The following RAB2B variants were observed in gnomAD, a reference collection of about 807,000 sequenced individuals.
The protein encoded by RAB2B is RAB2B, member RAS oncogene family.
In RAB2B, 20 loss-of-function variants were observed where a neutral mutation model predicts 29.8. The observed-to-expected ratio is 0.67, with a 90% CI of 0.47 to 0.97. The LOEUF (loss-of-function observed/expected upper bound fraction) is 0.97. Ranked by LOEUF, RAB2B falls within the 50% of genes least tolerant of loss-of-function variation. The pLI, the probability that RAB2B is intolerant of heterozygous loss-of-function variation, is 0.00. For synonymous variants in RAB2B, 93 were observed against 91.7 expected (o/e 1.01, Z -0.08); for missense variants, 218 against 272.0 (o/e 0.80, Z 1.40).
intron 3 of RAB2B, among the ~76,000 whole-genome samples, chr14:21,469,951 TTTTTTTC>T (rs1173437601): frequency 7.0e-6 from 1 of 143,110 alleles, no homozygotes; most frequent in Non-Finnish European, 1.5e-5. Context: ...ATTCCCTTTT[TTTTTTTC>T]TTTTTTTTTT....
At chr14:21,472,816 G>C (rs1176913867) in intron 3 of RAB2B, among the ~76,000 whole-genome samples, 3 of 148,162 alleles carry the variant, frequency 2.0e-5, no homozygotes, top group Non-Finnish European at 4.5e-5. Context: ...TCCCATATGA[G>C]TGCTTAAAAA....
At chr14:21,468,027 T>C (rs539701920) in intron 5 of RAB2B, among the ~76,000 whole-genome samples, 1 of 151,780 alleles carries the variant, frequency 6.6e-6, no homozygotes, top group African/African-American at 2.4e-5. Context: ...AGTAGAATGA[T>C]GGCTGTCAGG....
chr14:21,461,157 G>T lies in RAB2B; in HGVS notation c.*39C>A. 7.3e-7 allele frequency: 1 copy of T among 1,377,230 alleles called. No homozygotes were observed. Among genetic ancestry groups the T allele is most frequent in the Non-Finnish European group, 1.0e-6 (1 of 972,594 alleles). 85.3% of individuals were successfully genotyped at this position (1,377,230 alleles called of 1,614,324 possible). ...CTTTCATTAAGCCTATTGATCTGAAGCTATTCCAGGAAGGACAAAAAAAGT... is the reference window on the plus strand; with the variant it reads ...CTTTCATTAAGCCTATTGATCTGAATCTATTCCAGGAAGGACAAAAAAAGT... On this transcript the variant is annotated 3_prime_UTR_variant, in exon 8 of 8. Transcript: ENST00000397762.
At chr14:21,469,020 C>G (rs866139814) in intron 3 of RAB2B, among the ~76,000 whole-genome samples, 2 of 149,828 alleles carry the variant, frequency 1.3e-5, no homozygotes, top group Admixed American at 1.4e-4. Flanking sequence ...GTTTAGCATC[C>G]TAGATCCCAG....
At chr14:21,472,810 A>G (rs1434493146) in intron 3 of RAB2B, among the ~76,000 whole-genome samples, 1 of 151,256 alleles carries the variant, frequency 6.6e-6, no homozygotes, top group Non-Finnish European at 1.5e-5. Context: ...ACCATGTCCC[A>G]TATGAGTGCT....
rs144179207 is a variant in RAB2B at position 21,474,815 on chromosome 14, T to C, written c.186+52A>G. The C allele has an allele frequency of 1.5e-3, 2,167 of 1,470,772 alleles. 26 individuals carry two copies. In the African/African-American group the frequency reaches 0.026, roughly 17 times the overall value. The allele number at this position is 1,470,772 out of a possible 1,614,324, so 91.1% of individuals were successfully genotyped here. On this transcript the variant is annotated intron_variant, in intron 3 of 7. Coordinates refer to ENST00000397762, the MANE Select transcript of RAB2B (RefSeq NM_032846.4). ...TCGCCCCTTTCCTTTGCATCAGCTTTTCTTGTTATACTTGGATATTGGTCA... is the reference window on the plus strand; with the variant it reads ...TCGCCCCTTTCCTTTGCATCAGCTTCTCTTGTTATACTTGGATATTGGTCA...
At position 21,468,212 on chromosome 14, in the gene RAB2B, G is replaced by C. The variant is rs1890727787; in HGVS notation, c.362+145C>G. The stretch of plus-strand genomic sequence containing the variant: ...AAAAATAGTTAAAATGGTAAATTTT[G>C]TGTCATATATATTTTATCACAACAA... On this transcript the variant is annotated intron_variant, in intron 5 of 7. Transcript: ENST00000397762. 22 of 599,110 alleles carry C rather than the reference G, an allele frequency of 3.7e-5. No individual in the cohort carries two copies. In the East Asian group the frequency reaches 6.2e-4, roughly 17 times the overall value. The allele number at this position is 599,110 out of a possible 1,614,324, so 37.1% of individuals were successfully genotyped here.
At chr14:21,462,875 A>G (rs1890597307) in intron 6 of RAB2B, among the ~76,000 whole-genome samples, 1 of 151,808 alleles carries the variant, frequency 6.6e-6, no homozygotes, top group South Asian at 2.1e-4. Context: ...GAAAAAAAAC[A>G]TAGAAGGTCC....
At chr14:21,469,364 C>T (rs1890754612) in intron 3 of RAB2B, among the ~76,000 whole-genome samples, 1 of 152,182 alleles carries the variant, frequency 6.6e-6, no homozygotes, top group Non-Finnish European at 1.5e-5. Context: ...TGCAAGACTA[C>T]CTAGATGTCC....
intron 3 of RAB2B, among the ~76,000 whole-genome samples, chr14:21,473,814 C>T (rs1287378571): frequency 6.6e-6 from 1 of 151,880 alleles, no homozygotes; most frequent in Non-Finnish European, 1.5e-5. Context: ...AGATCGAGAC[C>T]ATGCTGGCTA....
At chr14:21,471,825 G>A (rs928458330) in intron 3 of RAB2B, among the ~76,000 whole-genome samples, 2 of 151,828 alleles carry the variant, frequency 1.3e-5, no homozygotes, top group East Asian at 1.9e-4. Context: ...ACAGGCGCCC[G>A]CCACCACACC....
intron 3 of RAB2B, among the ~76,000 whole-genome samples, chr14:21,472,725 T>C (rs1890848725): frequency 6.6e-6 from 1 of 152,062 alleles, no homozygotes; most frequent in African/African-American, 2.4e-5. Context: ...CTCTCAACTT[T>C]CCTTTTTTGT....
intron 5 of RAB2B, among the ~76,000 whole-genome samples, chr14:21,466,170 A>G (rs1479182870): frequency 1.3e-5 from 2 of 152,204 alleles, no homozygotes; most frequent in Admixed American, 1.3e-4. Flanking sequence ...GTCGTTTTCA[A>G]TACATTGACT....
At chr14:21,463,475 G>A (rs1890614769) in intron 6 of RAB2B, among the ~76,000 whole-genome samples, 181 bp downstream of exon 6, 1 of 152,088 alleles carries the variant, frequency 6.6e-6, no homozygotes, top group South Asian at 2.1e-4. Context: ...ACAAACTCCT[G>A]AGCTCACGCA....
At chr14:21,465,714 T>G (rs749006866) in intron 5 of RAB2B, among the ~76,000 whole-genome samples, 2 of 152,204 alleles carry the variant, frequency 1.3e-5, no homozygotes, top group African/African-American at 2.4e-5. Context: ...TCAATTTCCA[T>G]GTATTTAGAA....
intron 3 of RAB2B, among the ~76,000 whole-genome samples, chr14:21,470,968 T>C (rs190143958): frequency 1.5e-5 from 2 of 131,786 alleles, no homozygotes; most frequent in African/African-American, 6.1e-5. Flanking sequence ...ACCAACATGA[T>C]GAAACCCCAT....
rs1890577413 is a variant in RAB2B at position 21,462,359 on chromosome 14, G to C, written c.534C>G (p.Val178=). The C allele has an allele frequency of 6.2e-7, 1 of 1,613,106 alleles. No homozygotes were observed. The highest frequency in any genetic ancestry group is 1.1e-5 in the South Asian group (1 of 90,930). The part of the protein sequence containing the change: ...YRKIQQGLFD[V]HNEANGIKIG... ...TTCTACCCTTTCTTACCTCATTGTG[G>C]ACATCAAATAAACCCTGCTGGATCT... The change falls in exon 7 of 8, where the codon GTC becomes GTG. Residue 178 remains valine (V), a synonymous_variant. Coordinates refer to ENST00000397762, the MANE Select transcript of RAB2B (RefSeq NM_032846.4).
chr14:21,476,685 C>T (rs753020983), intron 1 of RAB2B, 86 bp from the exon 2 acceptor site: 2 of 1,610,808 alleles, frequency 1.2e-6, no homozygotes, highest in Non-Finnish European at 8.5e-7. Context: ...AAGGGGGGCT[C>T]CCGAGCCCCG....
At position 21,476,808 on chromosome 14, in the gene RAB2B, C is replaced by G; in HGVS notation, c.46+19G>C. 6.2e-7 allele frequency: 1 copy of G among 1,611,710 alleles called. No individual in the cohort carries two copies. The highest frequency in any genetic ancestry group is 8.5e-7 in the Non-Finnish European group (1 of 1,179,474). ...CGAATGCCCGCCCGAGCCTTGAAGGCGAACCACCTGAGGGTTACCTGTGTC... is the reference window on the plus strand; with the variant it reads ...CGAATGCCCGCCCGAGCCTTGAAGGGGAACCACCTGAGGGTTACCTGTGTC... On this transcript the variant is annotated intron_variant, in intron 1 of 7. Coordinates refer to ENST00000397762, the MANE Select transcript of RAB2B (RefSeq NM_032846.4).
Sources: gnomAD v4.1 joint callset for allele counts (sites outside exome capture counted in the v4.1 genomes callset) on GRCh38, gnomAD v4.1.1 for gene constraint, MANE v1.5 for transcripts, NCBI Gene and HGNC (gene_info 2026-07-23, HGNC 2026-07-21) for gene names.